The following INPP4B variants were observed in gnomAD, a reference collection of about 807,000 sequenced individuals.
The protein encoded by INPP4B is inositol polyphosphate 4-phosphatase type II.
INPP4B carries 55 observed loss-of-function variants against 122.5 expected under a neutral mutation model. The observed-to-expected ratio is 0.45, with a 90% CI of 0.36 to 0.56. INPP4B has a LOEUF of 0.56. INPP4B is among the 20% of genes least tolerant of loss of function. INPP4B has a pLI of 0.00. For synonymous variants in INPP4B, 403 were observed against 388.7 expected (o/e 1.04, Z -0.43); for missense variants, 1,000 against 1,097.7 (o/e 0.91, Z 1.26).
At chr4:142,553,570 C>T (rs1322978162) in intron 2 of INPP4B, among the ~76,000 whole-genome samples, 3 of 152,180 alleles carry the variant, frequency 2.0e-5, no homozygotes, top group African/African-American at 7.2e-5. Context: ...ATAAATACCC[C>T]AGTTCTCTTT....
intron 2 of INPP4B, among the ~76,000 whole-genome samples, chr4:142,563,207 G>A (rs1283487249): frequency 6.6e-6 from 1 of 152,100 alleles, no homozygotes; most frequent in Non-Finnish European, 1.5e-5. Flanking sequence ...AAAAATCAAG[G>A]TTACAAAAAT....
At chr4:142,465,858 C>G (rs557125157) in intron 2 of INPP4B, among the ~76,000 whole-genome samples, 4 of 152,302 alleles carry the variant, frequency 2.6e-5, no homozygotes, top group Admixed American at 2.0e-4. Flanking sequence ...AGCTTGCTCC[C>G]TCTCTCACCA....
chr4:142,061,885 CATATATATAT>C (rs66485353), intron 25 of INPP4B, among the ~76,000 whole-genome samples: 49 of 139,220 alleles, frequency 3.5e-4, no homozygotes, highest in African/African-American at 1.4e-3. Flanking sequence ...CACACACACA[CATATATATAT>C]ATATATATAT....
intron 14 of INPP4B, among the ~76,000 whole-genome samples, chr4:142,194,169 G>T (rs1837202918): frequency 6.6e-6 from 1 of 152,110 alleles, no homozygotes; most frequent in Non-Finnish European, 1.5e-5. Flanking sequence ...AATAAAAAAA[G>T]TCTTCAAGTG....
At chr4:142,727,898 C>A (rs1025286482) in intron 1 of INPP4B, among the ~76,000 whole-genome samples, 1 of 152,124 alleles carries the variant, frequency 6.6e-6, no homozygotes, top group Non-Finnish European at 1.5e-5. Flanking sequence ...AAAAATCAGT[C>A]AGAATAGCTG....
At chr4:142,308,924 G>GC (rs1764435642) in intron 8 of INPP4B, among the ~76,000 whole-genome samples, 1 of 151,908 alleles carries the variant, frequency 6.6e-6, no homozygotes, top group Non-Finnish European at 1.5e-5. Flanking sequence ...ACTTCTTCCG[G>GC]CCCCCAGGCT....
chr4:142,594,042 T>C (rs1007521432), intron 2 of INPP4B, among the ~76,000 whole-genome samples: 2 of 152,192 alleles, frequency 1.3e-5, no homozygotes, highest in Admixed American at 6.5e-5. Flanking sequence ...TAAATTGAAC[T>C]AGTTATGATT....
At chr4:142,499,641 T>G (rs1189804119) in intron 2 of INPP4B, among the ~76,000 whole-genome samples, 1 of 152,188 alleles carries the variant, frequency 6.6e-6, no homozygotes, top group Non-Finnish European at 1.5e-5. Context: ...AAACTGAATA[T>G]GTGACTGTTC....
At chr4:142,653,930 C>T (rs892388640) in intron 2 of INPP4B, among the ~76,000 whole-genome samples, 13 of 152,088 alleles carry the variant, frequency 8.5e-5, no homozygotes, top group Non-Finnish European at 1.9e-4. Context: ...CATATGTTTA[C>T]TGTGGTATTA....
intron 15 of INPP4B, among the ~76,000 whole-genome samples, chr4:142,175,551 G>C (rs1419665102): frequency 6.6e-6 from 1 of 151,900 alleles, no homozygotes; most frequent in African/African-American, 2.4e-5. Flanking sequence ...TTAAATGTCA[G>C]AAGTTAGGGG....
At chr4:142,585,847 T>TTATTA (rs1402065172) in intron 2 of INPP4B, among the ~76,000 whole-genome samples, 14 of 5,112 alleles carry the variant, frequency 2.7e-3, no homozygotes, top group African/African-American at 5.3e-3. Context: ...ACTAAACACT[T>TTATTA]TATTATTATT....
intron 2 of INPP4B, among the ~76,000 whole-genome samples, chr4:142,497,753 G>T (rs1822779049): frequency 1.3e-5 from 2 of 152,032 alleles, no homozygotes; most frequent in African/African-American, 4.8e-5. Context: ...CCAGTATATT[G>T]TCACTAGCTT....
intron 2 of INPP4B, among the ~76,000 whole-genome samples, chr4:142,533,029 G>A (rs1827801300): frequency 6.6e-6 from 1 of 152,070 alleles, no homozygotes; most frequent in South Asian, 2.1e-4. Flanking sequence ...GCAAATGAAA[G>A]GCATGTCAAA....
At chr4:142,787,929 G>A (rs982425010) in intron 1 of INPP4B, among the ~76,000 whole-genome samples, 1 of 151,852 alleles carries the variant, frequency 6.6e-6, no homozygotes, top group African/African-American at 2.4e-5. Flanking sequence ...TAGAGAGGTG[G>A]AGGGGGAGAG....
At chr4:142,244,283 G>C (rs1412660934) in intron 11 of INPP4B, among the ~76,000 whole-genome samples, 2 of 119,422 alleles carry the variant, frequency 1.7e-5, no homozygotes, top group Non-Finnish European at 3.2e-5. Flanking sequence ...TGGTGTATAT[G>C]TGCCTTTTTT....
At chr4:142,175,209 C>T (rs1369658017) in intron 15 of INPP4B, among the ~76,000 whole-genome samples, 1 of 152,048 alleles carries the variant, frequency 6.6e-6, no homozygotes, top group Non-Finnish European at 1.5e-5. Context: ...ACATTTTTAT[C>T]AGCTCAATTA....
At chr4:142,755,557 A>T (rs535940735) in intron 1 of INPP4B, among the ~76,000 whole-genome samples, 22 of 152,076 alleles carry the variant, frequency 1.4e-4, no homozygotes, top group Non-Finnish European at 2.8e-4. Flanking sequence ...CTTACTTCTG[A>T]GAGCTGAAGG....
intron 2 of INPP4B, among the ~76,000 whole-genome samples, chr4:142,610,701 T>C (rs1742298800): frequency 6.6e-6 from 1 of 152,176 alleles, no homozygotes; most frequent in South Asian, 2.1e-4. Flanking sequence ...ATCACCAACT[T>C]TGAAATTATT....
intron 2 of INPP4B, among the ~76,000 whole-genome samples, chr4:142,609,349 T>G (rs1741989581): frequency 6.6e-6 from 1 of 152,046 alleles, no homozygotes; most frequent in African/African-American, 2.4e-5. Context: ...AAAATCAATT[T>G]GAATGTTTCA....
Sources: gnomAD v4.1 joint callset for allele counts (sites outside exome capture counted in the v4.1 genomes callset) on GRCh38, gnomAD v4.1.1 for gene constraint, MANE v1.5 for transcripts, NCBI Gene and HGNC (gene_info 2026-07-23, HGNC 2026-07-21) for gene names.